The following RTL4 variants were observed in gnomAD, a reference collection of about 807,000 sequenced individuals.
The protein encoded by RTL4 is retrotransposon Gag-like protein 4.
RTL4 carries 4 observed loss-of-function variants against 5.3 expected under a neutral mutation model. The observed-to-expected ratio is 0.75, with a 90% CI of 0.37 to 1.72. RTL4 has a LOEUF of 1.72. Among genes scored for constraint, RTL4 ranks in the 40% most tolerant of loss-of-function variants. The pLI is 0.04. For synonymous variants in RTL4, 98 were observed against 87.3 expected, an observed-to-expected ratio of 1.12 and a Z score of -0.68; for missense variants, 260 against 227.1, an observed-to-expected ratio of 1.14 and a Z score of -0.93.
the RTL4 span, among the ~76,000 whole-genome samples, chrX:112,390,565 A>C: frequency 9.0e-6 from 1 of 110,788 alleles, no homozygotes; most frequent in South Asian, 3.9e-4. Flanking sequence ...GCTTAGTTTG[A>C]CTGGATATGA....
the RTL4 span, among the ~76,000 whole-genome samples, chrX:112,260,939 G>A: frequency 2.7e-5 from 3 of 111,905 alleles, no homozygotes; most frequent in Non-Finnish European, 5.6e-5. Context: ...AGAACACTGA[G>A]TGGTTATTTG....
chrX:112,147,456 T>G, the RTL4 span, among the ~76,000 whole-genome samples: 3 of 111,711 alleles, frequency 2.7e-5, no homozygotes. Flanking sequence ...TAGGAAATTC[T>G]GTGGCTCTGG....
upstream of RTL4, among the ~76,000 whole-genome samples, chrX:112,450,118 A>G (rs1172818174): frequency 8.9e-6 from 1 of 112,286 alleles, no homozygotes; most frequent in Non-Finnish European, 1.9e-5. Flanking sequence ...TATGTAGAAC[A>G]GTTTGAAATT....
exon 1 of RTL4, chrX:112,455,955 A>C (rs1264617427): frequency 3.0e-6 from 1 of 334,949 alleles, no homozygotes; most frequent in Non-Finnish European, 5.3e-6. Flanking sequence ...TGAGCCAATG[A>C]AAATAACCGT....
the RTL4 span, among the ~76,000 whole-genome samples, chrX:112,324,456 A>AG: frequency 9.0e-6 from 1 of 111,690 alleles, no homozygotes; most frequent in Non-Finnish European, 1.9e-5. Context: ...CGTTTCTTCC[A>AG]GAACTTTTTC....
chrX:112,198,173 G>A, the RTL4 span, among the ~76,000 whole-genome samples: 4 of 111,546 alleles, frequency 3.6e-5, no homozygotes, highest in African/African-American at 1.3e-4. Context: ...ATACTTTCAT[G>A]CATAGATAAA....
chrX:112,426,955 C>CA, the RTL4 span, among the ~76,000 whole-genome samples: 1 of 110,548 alleles, frequency 9.0e-6, no homozygotes, highest in African/African-American at 3.3e-5. Flanking sequence ...TAATTACCTC[C>CA]AAAAAACAGA....
the RTL4 span, among the ~76,000 whole-genome samples, chrX:112,362,173 T>G: frequency 8.9e-6 from 1 of 112,279 alleles, no homozygotes; most frequent in African/African-American, 3.2e-5. Flanking sequence ...GCCATGGGTC[T>G]TGCCGTGCAC....
chrX:112,174,172 C>T, the RTL4 span, among the ~76,000 whole-genome samples: 1 of 103,188 alleles, frequency 9.7e-6, no homozygotes, highest in Non-Finnish European at 2.0e-5. Flanking sequence ...TGCTGGTGTG[C>T]TGCACCCACT....
the RTL4 span, among the ~76,000 whole-genome samples, chrX:112,083,444 A>G: frequency 8.9e-6 from 1 of 112,417 alleles, no homozygotes; most frequent in East Asian, 2.8e-4. Flanking sequence ...ACAGGGAGAC[A>G]GCGGAGCGCT....
chrX:112,150,611 C>T, the RTL4 span, among the ~76,000 whole-genome samples: 1 of 111,659 alleles, frequency 9.0e-6, no homozygotes, highest in South Asian at 3.7e-4. Context: ...AGTAAAAAAT[C>T]CCATTGAAAA....
the RTL4 span, among the ~76,000 whole-genome samples, chrX:112,119,751 G>A: frequency 2.7e-5 from 3 of 111,655 alleles, no homozygotes; most frequent in African/African-American, 9.8e-5. Context: ...TAAAACATCT[G>A]TTGTTTGTAA....
At chrX:112,234,463 C>T in the RTL4 span, among the ~76,000 whole-genome samples, 1 of 111,179 alleles carries the variant, frequency 9.0e-6, no homozygotes, top group Non-Finnish European at 1.9e-5. Flanking sequence ...CCATACCCCT[C>T]CACTGCAGTG....
the RTL4 span, among the ~76,000 whole-genome samples, chrX:112,354,452 A>T: frequency 2.7e-5 from 3 of 111,846 alleles, no homozygotes; most frequent in Non-Finnish European, 5.7e-5. Context: ...GTAACTTTTT[A>T]TTAAAATAGA....
chrX:112,310,671 T>C, the RTL4 span, among the ~76,000 whole-genome samples: 2 of 67,824 alleles, frequency 2.9e-5, no homozygotes, highest in African/African-American at 1.3e-4. Flanking sequence ...TATATTTATG[T>C]ATTATATATT....
At chrX:112,205,754 A>G in the RTL4 span, among the ~76,000 whole-genome samples, 1 of 111,989 alleles carries the variant, frequency 8.9e-6, no homozygotes, top group Non-Finnish European at 1.9e-5. Context: ...AATCTATTTC[A>G]CTAGTATAGA....
chrX:112,190,325 T>A, the RTL4 span, among the ~76,000 whole-genome samples: 81 of 110,302 alleles, frequency 7.3e-4, no homozygotes, highest in Non-Finnish European at 1.2e-3. Context: ...GCAAAACAGA[T>A]CTCTTTCTGG....
the RTL4 span, among the ~76,000 whole-genome samples, chrX:112,437,388 G>A: frequency 1.8e-5 from 2 of 111,742 alleles, no homozygotes; most frequent in Non-Finnish European, 3.8e-5. Context: ...ATTTAGTTCT[G>A]TACATTTCAA....
At chrX:112,239,024 C>T in the RTL4 span, among the ~76,000 whole-genome samples, 1 of 111,857 alleles carries the variant, frequency 8.9e-6, no homozygotes, top group South Asian at 3.8e-4. Flanking sequence ...TCCACCTTGC[C>T]TCCACCTAGT....
Sources: gnomAD v4.1 joint callset for allele counts (sites outside exome capture counted in the v4.1 genomes callset) on GRCh38, gnomAD v4.1.1 for gene constraint, MANE v1.5 for transcripts, NCBI Gene and HGNC (gene_info 2026-07-23, HGNC 2026-07-21) for gene names.